The following SCRG1 variants were observed in gnomAD, a reference collection of about 807,000 sequenced individuals.
SCRG1 encodes the protein scrapie-responsive protein 1.
Under a neutral mutation model 7.7 loss-of-function variants are expected in SCRG1, and 3 were observed. That is an observed-to-expected ratio of 0.39 (90% confidence interval 0.18 to 1.01). SCRG1 has a LOEUF of 1.01. Among genes scored for constraint, SCRG1 ranks in the 50% least tolerant of loss-of-function variants. The pLI is 0.36. For synonymous variants in SCRG1, 46 were observed against 41.2 expected, an observed-to-expected ratio of 1.12 and a Z score of -0.44; for missense variants, 110 against 117.2, an observed-to-expected ratio of 0.94 and a Z score of 0.28.
At chr4:173,443,889 G>C in the SCRG1 span, among the ~76,000 whole-genome samples, 2 of 151,612 alleles carry the variant, frequency 1.3e-5, no homozygotes, top group Non-Finnish European at 2.9e-5. Flanking sequence ...GTTCAGGACC[G>C]TGTCATATAT....
the SCRG1 span, among the ~76,000 whole-genome samples, chr4:173,498,720 A>T: frequency 6.6e-6 from 1 of 152,134 alleles, no homozygotes; most frequent in Non-Finnish European, 1.5e-5. Context: ...TTAATAATAC[A>T]TCTGTATATG....
the SCRG1 span, among the ~76,000 whole-genome samples, chr4:173,516,311 A>T: frequency 6.6e-6 from 1 of 152,212 alleles, no homozygotes. Context: ...TCTAGGCCAG[A>T]TTAGCAAGAC....
At chr4:173,456,002 A>T in the SCRG1 span, among the ~76,000 whole-genome samples, 1 of 152,134 alleles carries the variant, frequency 6.6e-6, no homozygotes, top group Non-Finnish European at 1.5e-5. Flanking sequence ...CGAAAAACAG[A>T]TTTATAACAG....
intron 2 of SCRG1, among the ~76,000 whole-genome samples, chr4:173,388,845 G>A (rs922036918): frequency 6.6e-6 from 1 of 152,042 alleles, no homozygotes; most frequent in African/African-American, 2.4e-5. Context: ...ATCACATAAA[G>A]TAATATATAA....
upstream of SCRG1, chr4:173,399,231 G>A (rs1245365686): frequency 5.9e-5 from 9 of 152,190 alleles, no homozygotes; most frequent in Admixed American, 5.9e-4. Flanking sequence ...CAGACTCGCT[G>A]CTCCAGCCAG....
At chr4:173,517,517 A>G in the SCRG1 span, among the ~76,000 whole-genome samples, 2 of 152,044 alleles carry the variant, frequency 1.3e-5, no homozygotes, top group Non-Finnish European at 2.9e-5. Flanking sequence ...TAAGGGGTTC[A>G]CCGGTTCTTT....
chr4:173,483,745 T>A, the SCRG1 span, among the ~76,000 whole-genome samples: 12 of 41,990 alleles, frequency 2.9e-4, 6 homozygotes, highest in East Asian at 3.6e-3. Flanking sequence ...ATATGATATA[T>A]TATATGTGAT....
intron 2 of SCRG1, among the ~76,000 whole-genome samples, chr4:173,389,318 A>C (rs1348376916): frequency 1.3e-5 from 2 of 152,146 alleles, no homozygotes; most frequent in East Asian, 3.9e-4. Context: ...GCAGATCACG[A>C]GGTCAGGATA....
At chr4:173,484,622 G>GTAATAAATATTATATGCATA in the SCRG1 span, among the ~76,000 whole-genome samples, 1 of 79,066 alleles carries the variant, frequency 1.3e-5, no homozygotes, top group Non-Finnish European at 2.0e-5. Context: ...TTATATGCAT[G>GTAATAAATATTATATGCATA]TAATATATAT....
At chr4:173,403,199 G>A (rs1739806195), upstream of SCRG1, 1 of 152,198 alleles carries the variant, frequency 6.6e-6, no homozygotes, top group South Asian at 2.1e-4. Context: ...TAAGGCCCTT[G>A]AAGAGACAGC....
At chr4:173,440,586 A>G in the SCRG1 span, among the ~76,000 whole-genome samples, 2 of 152,230 alleles carry the variant, frequency 1.3e-5, no homozygotes, top group Non-Finnish European at 2.9e-5. Context: ...GAAAAGACAT[A>G]TCCAATATGG....
chr4:173,424,590 T>C, the SCRG1 span, among the ~76,000 whole-genome samples: 1 of 152,294 alleles, frequency 6.6e-6, no homozygotes, highest in Middle Eastern at 3.4e-3. Context: ...TGCAAGGCCA[T>C]TTTCTACTAT....
chr4:173,465,871 T>A, the SCRG1 span, among the ~76,000 whole-genome samples: 2 of 152,114 alleles, frequency 1.3e-5, no homozygotes, highest in Non-Finnish European at 2.9e-5. Flanking sequence ...AATGAGGACA[T>A]GCAATATTTG....
chr4:173,391,186 G>A lies in SCRG1; in HGVS notation c.229C>T (p.Leu77Phe), dbSNP rs1739428150. Residue 77 changes from leucine (L) to phenylalanine (F), a missense_variant, in exon 2 of 3, where the codon CTC becomes TTC. Physicochemically the swap from Leu to Phe is conservative, Grantham distance 22. Transcript: ENST00000296506. ...CCATTTCCTTACTTTGGGCAGCAGA[G>A]CAATTCGCTGAAGTTGCAGTAACAG... ...MICYCNFSELLCCPKDVFFGP... is the reference protein window; with the variant it reads ...MICYCNFSELFCCPKDVFFGP... 6.2e-7 allele frequency: 1 copy of A among 1,613,976 alleles called. No individual in the cohort carries two copies. Among genetic ancestry groups the A allele is most frequent in the African/African-American group, 1.3e-5 (1 of 74,906 alleles).
At chr4:173,476,259 G>A in the SCRG1 span, among the ~76,000 whole-genome samples, 1 of 150,412 alleles carries the variant, frequency 6.6e-6, no homozygotes, top group South Asian at 2.1e-4. Flanking sequence ...CCTGGGCAAG[G>A]GCCTGCACCC....
At chr4:173,508,135 A>T in the SCRG1 span, among the ~76,000 whole-genome samples, 2 of 152,192 alleles carry the variant, frequency 1.3e-5, no homozygotes, top group African/African-American at 4.8e-5. This position sits in a 1 kb window ranked among gnomAD's most constrained non-coding sequence, Gnocchi z 4.4. Flanking sequence ...CTGGCTGCTA[A>T]AGTTGACACA....
chr4:173,415,722 T>C, the SCRG1 span, among the ~76,000 whole-genome samples: 1 of 152,154 alleles, frequency 6.6e-6, no homozygotes, highest in East Asian at 1.9e-4. Flanking sequence ...CGTGCCCAAG[T>C]TACTTAATTA....
the SCRG1 span, among the ~76,000 whole-genome samples, chr4:173,509,869 A>G: frequency 6.6e-6 from 1 of 151,810 alleles, no homozygotes; most frequent in African/African-American, 2.4e-5. This position sits in a 1 kb window ranked among gnomAD's most constrained non-coding sequence, Gnocchi z 5.7. Flanking sequence ...GGCCGGGGAG[A>G]TTCACCCACA....
the SCRG1 span, among the ~76,000 whole-genome samples, chr4:173,460,989 A>C: frequency 6.6e-6 from 1 of 152,164 alleles, no homozygotes; most frequent in East Asian, 1.9e-4. Context: ...CTCTGCTTTT[A>C]GAAAGGGGAG....
Sources: allele counts gnomAD v4.1 joint callset (sites outside exome capture counted in the v4.1 genomes callset), GRCh38; gene constraint gnomAD v4.1.1; non-coding constraint Gnocchi (gnomAD v3.1); transcripts MANE v1.5; gene names NCBI Gene and HGNC (gene_info 2026-07-23, HGNC 2026-07-21).